Variants in L3MBTL4 observed in about 807,000 individuals in gnomAD.
The protein encoded by L3MBTL4 is L3MBTL histone methyl-lysine binding protein 4.
In L3MBTL4, 70 loss-of-function variants were observed where a neutral mutation model predicts 84.5. That is an observed-to-expected ratio of 0.83 (90% CI 0.68 to 1.01). The LOEUF is 1.01. Ranked by LOEUF, L3MBTL4 falls within the 50% of genes least tolerant of loss-of-function variation. The pLI is 0.00. For missense variants in L3MBTL4, 715 were observed against 754.8 expected (o/e 0.95, Z 0.62); for synonymous variants, 274 against 259.8 (o/e 1.05, Z -0.52).
intron 14 of L3MBTL4, among the ~76,000 whole-genome samples, chr18:6,117,293 T>C (rs935774379): frequency 6.6e-6 from 1 of 152,184 alleles, no homozygotes; most frequent in Non-Finnish European, 1.5e-5. Context: ...GAGGGAGTCA[T>C]GATTGGGTGG....
intron 15 of L3MBTL4, among the ~76,000 whole-genome samples, chr18:6,090,191 T>G (rs949817047): frequency 1.3e-5 from 2 of 152,198 alleles, no homozygotes; most frequent in African/African-American, 4.8e-5. Context: ...ACTGTGATAT[T>G]GTGAGTATGA....
chr18:6,322,603 C>T (rs2051484459), intron 1 of L3MBTL4, among the ~76,000 whole-genome samples: 1 of 151,522 alleles, frequency 6.6e-6, no homozygotes, highest in Non-Finnish European at 1.5e-5. Context: ...TTGGAAGCAA[C>T]CTAAGTATCC....
At chr18:6,372,302 G>A (rs1396921186) in intron 1 of L3MBTL4, among the ~76,000 whole-genome samples, 9 of 152,150 alleles carry the variant, frequency 5.9e-5, no homozygotes, top group Non-Finnish European at 1.2e-4. Flanking sequence ...GGGGATGTGT[G>A]GGGCAAGGGA....
intron 1 of L3MBTL4, among the ~76,000 whole-genome samples, chr18:6,377,984 G>T (rs2054439732): frequency 1.3e-5 from 2 of 152,258 alleles, no homozygotes; most frequent in Admixed American, 1.3e-4. Flanking sequence ...AGCACCTGTT[G>T]TTTCCTGACT....
chr18:6,017,052 C>T (rs2055021828), intron 16 of L3MBTL4, among the ~76,000 whole-genome samples: 1 of 152,126 alleles, frequency 6.6e-6, no homozygotes, highest in Admixed American at 6.6e-5. Context: ...GGATGAAGCC[C>T]ACCATCTCCC....
chr18:6,365,028 T>C (rs1447817085), intron 1 of L3MBTL4, among the ~76,000 whole-genome samples: 1 of 152,138 alleles, frequency 6.6e-6, no homozygotes, highest in Non-Finnish European at 1.5e-5. Flanking sequence ...AAATAAAATG[T>C]TTATTCATGC....
At chr18:6,066,421 TTGA>T (rs1281167176) in intron 16 of L3MBTL4, among the ~76,000 whole-genome samples, 4 of 152,154 alleles carry the variant, frequency 2.6e-5, no homozygotes, top group Non-Finnish European at 5.9e-5. Context: ...AGTTTCTGTC[TTGA>T]TGATCTTCTA....
intron 1 of L3MBTL4, among the ~76,000 whole-genome samples, chr18:6,345,236 A>T: frequency 7.8e-6 from 1 of 127,722 alleles, no homozygotes; most frequent in African/African-American, 3.6e-5. Flanking sequence ...AAAAAAAAAA[A>T]GAAAAAAAAA....
At chr18:6,078,062 A>C (rs1383391885) in intron 16 of L3MBTL4, among the ~76,000 whole-genome samples, 4 of 150,848 alleles carry the variant, frequency 2.7e-5, no homozygotes, top group South Asian at 2.1e-4. Context: ...ATAATAAATA[A>C]AAGACTCCTG....
intron 3 of L3MBTL4, 55 bp downstream of exon 3, chr18:6,311,499 G>A (rs2050828624): frequency 7.1e-7 from 1 of 1,415,004 alleles, no homozygotes; most frequent in African/African-American, 1.4e-5. Flanking sequence ...ATTCCATGGT[G>A]CATTTTGGTA....
At chr18:6,185,955 ACTTT>A (rs563554441) in intron 12 of L3MBTL4, among the ~76,000 whole-genome samples, 2 of 138,542 alleles carry the variant, frequency 1.4e-5, no homozygotes, top group African/African-American at 6.4e-5. Context: ...CAAAAAGGGC[ACTTT>A]CTTTATTTTA....
At chr18:6,054,566 C>T (rs1411520249) in intron 16 of L3MBTL4, among the ~76,000 whole-genome samples, 1 of 152,172 alleles carries the variant, frequency 6.6e-6, no homozygotes, top group Non-Finnish European at 1.5e-5. Flanking sequence ...ACACTTCATT[C>T]CCCTCATCCT....
chr18:6,229,779 AC>A (rs1380247356), intron 10 of L3MBTL4, among the ~76,000 whole-genome samples: 1 of 152,048 alleles, frequency 6.6e-6, no homozygotes, highest in African/African-American at 2.4e-5. Flanking sequence ...AAATCATTTC[AC>A]CATAACTGCA....
At chr18:6,352,883 T>C (rs2053264231) in intron 1 of L3MBTL4, among the ~76,000 whole-genome samples, 2 of 152,226 alleles carry the variant, frequency 1.3e-5, no homozygotes, top group Non-Finnish European at 2.9e-5. Flanking sequence ...TCTATTTTTA[T>C]CCTAAATTGT....
intron 16 of L3MBTL4, among the ~76,000 whole-genome samples, chr18:5,974,187 TAA>T (rs1176520406): frequency 6.6e-6 from 1 of 152,116 alleles, no homozygotes; most frequent in Non-Finnish European, 1.5e-5. Flanking sequence ...TTATGGCCTT[TAA>T]AAAAATATAT....
chr18:6,084,748 T>C (rs1174244040), intron 15 of L3MBTL4, among the ~76,000 whole-genome samples: 1 of 152,206 alleles, frequency 6.6e-6, no homozygotes, highest in Non-Finnish European at 1.5e-5. Flanking sequence ...AGACAGAGGA[T>C]GTGCTATTGG....
chr18:6,034,547 T>C (rs1336196167), intron 16 of L3MBTL4, among the ~76,000 whole-genome samples: 2 of 152,164 alleles, frequency 1.3e-5, no homozygotes, highest in African/African-American at 4.8e-5. Context: ...CAGTCTATCA[T>C]TGTTGGACAT....
chr18:6,215,739 A>G lies in L3MBTL4; in HGVS notation c.870+11T>C, dbSNP rs2046297846. On this transcript the variant is annotated intron_variant, in intron 11 of 18. Coordinates refer to ENST00000317931, the MANE Select transcript of L3MBTL4 (RefSeq NM_001330559.2). ...TTTAAAGGTGAGAGTTTGTACCCAC[A>G]TAGAACTTACCATTTTAAAAACTTT... 1.7e-5 allele frequency: 27 copies of G among 1,561,024 alleles called. No homozygotes were observed. Among genetic ancestry groups the G allele is most frequent in the Non-Finnish European group, 2.3e-5 (26 of 1,140,844 alleles).
Position 5,955,982 on chromosome 18 carries a change from C to A in L3MBTL4, c.*238G>T. 1 of 437,084 alleles carries A rather than the reference C, an allele frequency of 2.3e-6. No individual in the cohort carries two copies. The highest frequency in any genetic ancestry group is 4.1e-6 in the Non-Finnish European group (1 of 246,468). 27.1% of individuals were successfully genotyped at this position (437,084 alleles called of 1,614,324 possible). ...GCAAACAAATCAGAGCTGAGCGGATCCCACCAAAGATAACAATGTTCGTAA... is the reference window on the plus strand; with the variant it reads ...GCAAACAAATCAGAGCTGAGCGGATACCACCAAAGATAACAATGTTCGTAA... On this transcript the variant is annotated 3_prime_UTR_variant, in exon 19 of 19. Transcript: ENST00000317931.
Sources: gnomAD v4.1 joint callset for allele counts (sites outside exome capture counted in the v4.1 genomes callset) on GRCh38, gnomAD v4.1.1 for gene constraint, MANE v1.5 for transcripts, NCBI Gene and HGNC (gene_info 2026-07-23, HGNC 2026-07-21) for gene names.